Variants in ITPR1 observed in about 807,000 individuals in gnomAD.
ITPR1 encodes the protein inositol 1,4,5-trisphosphate-gated calcium channel ITPR1.
In ITPR1, 96 loss-of-function variants were observed where a neutral mutation model predicts 318.4. The observed-to-expected ratio is 0.30, with a 90% CI of 0.26 to 0.36. The LOEUF (loss-of-function observed/expected upper bound fraction) is 0.36. Among genes scored for constraint, ITPR1 ranks in the 10% least tolerant of loss-of-function variants. The pLI is 1.00. For synonymous variants in ITPR1, 1,312 were observed against 1,289.9 expected (o/e 1.02, Z -0.37); for missense variants, 2,440 against 3,460.2 (o/e 0.71, Z 7.40).
rs564812642 is a variant in ITPR1 at position 4,759,222 on chromosome 3, A to G, written c.5545-7308A>G. ...CATAACCACGCTCCATGGCTTTGCA[A>G]GGACTTGCAGGGCTGGGGGAGGATG... On this transcript the variant is annotated intron_variant, in intron 44 of 61. Coordinates refer to ENST00000649015, the MANE Select transcript of ITPR1 (RefSeq NM_001378452.1). Among the ~76,000 whole-genome samples, 8 of 152,374 alleles carry G rather than the reference A, an allele frequency of 5.3e-5. No homozygotes were observed. In the South Asian group the frequency reaches 1.7e-3, roughly 32 times the overall value.
chr3:4,610,668 G>T (rs1027631369), intron 4 of ITPR1, among the ~76,000 whole-genome samples: 1 of 152,032 alleles, frequency 6.6e-6, no homozygotes, highest in Non-Finnish European at 1.5e-5. Context: ...CTCAGCAAAG[G>T]GTTTAACCCG....
rs1320268464 is a variant in ITPR1, at chr3:4,747,219, G to A, written c.5544+11865G>A. Among the ~76,000 whole-genome samples the A allele has an allele frequency of 3.9e-5, 6 of 152,194 alleles. No homozygotes were observed. The East Asian group carries it at 7.7e-4, about 20-fold the overall frequency. On this transcript the variant is annotated intron_variant, in intron 44 of 61. Coordinates refer to ENST00000649015, the MANE Select transcript of ITPR1 (RefSeq NM_001378452.1). ...ACAAGTGCTCATGTACCACGGGCTA[G>A]CCAGGCGCCCTCACTGCATGGTCTC...
chr3:4,808,595 C>A (rs1453120280), intron 55 of ITPR1, among the ~76,000 whole-genome samples: 1 of 152,156 alleles, frequency 6.6e-6, no homozygotes, highest in Non-Finnish European at 1.5e-5. Context: ...CTGTGTGGAC[C>A]TTGACTTGTT....
At chr3:4,784,363 A>G (rs906918024) in intron 51 of ITPR1, among the ~76,000 whole-genome samples, 2 of 152,062 alleles carry the variant, frequency 1.3e-5, no homozygotes, top group Non-Finnish European at 2.9e-5. Flanking sequence ...ATTCTAGGTG[A>G]TCCGGAGGGG....
chr3:4,648,796 C>T (rs533316505), intron 10 of ITPR1, among the ~76,000 whole-genome samples: 48 of 152,248 alleles, frequency 3.2e-4, no homozygotes, highest in African/African-American at 1.1e-3. Context: ...GGTGACAGAG[C>T]GAGACCCTGT....
At chr3:4,601,765 C>G (rs112873765) in intron 4 of ITPR1, among the ~76,000 whole-genome samples, 3,078 of 152,210 alleles carry the variant, frequency 0.02, 95 homozygotes, top group African/African-American at 0.07. Flanking sequence ...GAAGAGACAA[C>G]TCATAGAAAA....
At chr3:4,735,503 T>C (rs1226260729) in intron 44 of ITPR1, 149 bp downstream of exon 44, 6 of 638,174 alleles carry the variant, frequency 9.4e-6, no homozygotes, top group Non-Finnish European at 1.7e-5. Context: ...AAATGAGTTC[T>C]GCTAGTATCC....
intron 32 of ITPR1, among the ~76,000 whole-genome samples, chr3:4,692,909 T>C (rs749740412): frequency 6.6e-6 from 1 of 152,218 alleles, no homozygotes; most frequent in Non-Finnish European, 1.5e-5. Flanking sequence ...TCATCTGAGG[T>C]TGAGAGTTCG....
intron 40 of ITPR1, among the ~76,000 whole-genome samples, chr3:4,719,486 G>T (rs186826089): frequency 6.6e-6 from 1 of 152,244 alleles, no homozygotes; most frequent in South Asian, 2.1e-4. Flanking sequence ...TTCTGCAGAA[G>T]CTTAATGAGA....
intron 46 of ITPR1, among the ~76,000 whole-genome samples, chr3:4,774,984 A>G (rs1188776567): frequency 6.6e-6 from 1 of 152,208 alleles, no homozygotes; most frequent in Non-Finnish European, 1.5e-5. Context: ...CAAAAAGATT[A>G]TAGGAGTCAA....
chr3:4,764,225 G>T (rs1054597453), intron 44 of ITPR1, among the ~76,000 whole-genome samples: 2 of 152,204 alleles, frequency 1.3e-5, no homozygotes, highest in African/African-American at 4.8e-5. Flanking sequence ...TCAAAGAAGT[G>T]AACAACTGAA....
At chr3:4,682,599 A>G (rs946823551) in intron 26 of ITPR1, among the ~76,000 whole-genome samples, 1 of 152,192 alleles carries the variant, frequency 6.6e-6, no homozygotes, top group Admixed American at 6.5e-5. Context: ...TGAAACTTAA[A>G]CATGGTATTG....
At chr3:4,811,007 T>C (rs143604913) in intron 55 of ITPR1, among the ~76,000 whole-genome samples, 1 of 152,350 alleles carries the variant, frequency 6.6e-6, no homozygotes, top group African/African-American at 2.4e-5. Context: ...TTTTCTCTAT[T>C]TCCAGTCCCT....
intron 33 of ITPR1, among the ~76,000 whole-genome samples, chr3:4,696,489 C>T (rs570847078): frequency 1.3e-5 from 2 of 152,242 alleles, no homozygotes; most frequent in African/African-American, 2.4e-5. Flanking sequence ...ACATACACCA[C>T]GTTTTGTGTG....
chr3:4,612,254 G>A (rs903269868), intron 4 of ITPR1, among the ~76,000 whole-genome samples: 12 of 151,832 alleles, frequency 7.9e-5, no homozygotes, highest in South Asian at 2.1e-4. Flanking sequence ...TAGAGACAGC[G>A]TTTCACCATG....
intron 42 of ITPR1, among the ~76,000 whole-genome samples, chr3:4,730,230 AC>A (rs67399524): frequency 0.1 from 13,833 of 138,190 alleles, 915 homozygotes; most frequent in South Asian, 0.14. Flanking sequence ...AAAAAAAAAA[AC>A]AAAAAAAAAC....
At chr3:4,573,069 T>C (rs374644568) in intron 4 of ITPR1, among the ~76,000 whole-genome samples, 1 of 152,240 alleles carries the variant, frequency 6.6e-6, no homozygotes, top group East Asian at 1.9e-4. Context: ...CAAATCTCTT[T>C]GAGACCCTGC....
intron 4 of ITPR1, among the ~76,000 whole-genome samples, chr3:4,560,878 G>T (rs561432283): frequency 4.6e-4 from 70 of 152,324 alleles, no homozygotes; most frequent in Middle Eastern, 3.4e-3. Context: ...TTTTGTTCAT[G>T]TTCTTTTAAC....
At position 4,627,857 on chromosome 3, in the gene ITPR1, A is replaced by G. The variant is rs1379583944; in HGVS notation, c.258A>G (p.Ala86=). ...AKPGANSTTD[A]VLLNKLHHAA... ...CTGGGGCCAACAGCACCACAGACGC[A>G]GTGCTACTCAACAAACTGCACGTAC... Residue 86 remains alanine, a synonymous_variant, in exon 5 of 62, where the codon GCA becomes GCG. Transcript: ENST00000649015. The G allele has an allele frequency of 9.3e-6, 15 of 1,612,542 alleles. No homozygotes were observed. Among genetic ancestry groups the G allele is most frequent in the Non-Finnish European group, 1.2e-5 (14 of 1,179,036 alleles).
Sources: gnomAD v4.1 joint callset for allele counts (sites outside exome capture counted in the v4.1 genomes callset) on GRCh38, gnomAD v4.1.1 for gene constraint, MANE v1.5 for transcripts, NCBI Gene and HGNC (gene_info 2026-07-23, HGNC 2026-07-21) for gene names.